TOMM6: variants seen among roughly 807,000 people sequenced by gnomAD.
The protein encoded by TOMM6 is translocase of outer mitochondrial membrane 6.
TOMM6 carries 6 observed loss-of-function variants against 6.0 expected under a neutral mutation model. That is an observed-to-expected ratio of 1.00 (90% CI 0.55 to 1.98). The LOEUF (loss-of-function observed/expected upper bound fraction) is 1.98, where lower values mean the gene tolerates loss of function less well. Among genes scored for constraint, TOMM6 ranks in the 30% most tolerant of loss-of-function variants. TOMM6 has a pLI of 0.00. For synonymous variants in TOMM6, 44 were observed against 36.3 expected, an observed-to-expected ratio of 1.21 and a Z score of -0.76; for missense variants, 104 against 95.3, an observed-to-expected ratio of 1.09 and a Z score of -0.38.
chr6:41,789,161 C>G, intron 1 of TOMM6, 71 bp from the exon 2 acceptor site: 1 of 1,384,842 alleles, frequency 7.2e-7, no homozygotes, highest in Non-Finnish European at 1.0e-6. Flanking sequence ...AGCCTTTCCC[C>G]CCAGTACATT....
At chr6:41,789,517 C>T in intron 2 of TOMM6, 51 bp from the exon 3 acceptor site, 1 of 559,622 alleles carries the variant, frequency 1.8e-6, no homozygotes, top group Non-Finnish European at 3.2e-6. Flanking sequence ...AGTTTCCCTC[C>T]CATACTTTTA....
intron 2 of TOMM6, 33 bp downstream of exon 2, chr6:41,789,369 G>A (rs1215852624): frequency 6.8e-7 from 1 of 1,468,178 alleles, no homozygotes. Flanking sequence ...GCGTGTCTTA[G>A]GAGACCTAGA....
In TOMM6 at chr6:41,787,749, C is replaced by T. The variant is rs1241493565; in HGVS notation, c.52C>T (p.Pro18Ser). 1 of 1,551,726 alleles carries T rather than the reference C, an allele frequency of 6.4e-7. No homozygotes were observed. The highest frequency in any genetic ancestry group is 8.7e-7 in the Non-Finnish European group (1 of 1,146,994). ...CGCTGCTGGCTCGGCTAATGAAACTCCCGAAATACCGGACAACGTGGGAGA... is the reference window on the plus strand; with the variant it reads ...CGCTGCTGGCTCGGCTAATGAAACTTCCGAAATACCGGACAACGTGGGAGA... ...VSAAGSANET[P>S]EIPDNVGDWL... The change falls in exon 1 of 3, where the codon CCC becomes TCC. Residue 18 changes from proline to serine, a missense_variant. Transcript: ENST00000398881.
At chr6:41,788,739 C>T (rs1772735706) in intron 1 of TOMM6, among the ~76,000 whole-genome samples, 1 of 150,520 alleles carries the variant, frequency 6.6e-6, no homozygotes, top group South Asian at 2.1e-4. Context: ...GCGTGAGCCA[C>T]CGCGCCCGGC....
chr6:41,789,394 A>G (rs1446115284), intron 2 of TOMM6, 58 bp downstream of exon 2: 10 of 1,225,534 alleles, frequency 8.2e-6, no homozygotes, highest in Admixed American at 8.0e-5. Context: ...GGGTGAAGCA[A>G]TGTTTTCTGT....
chr6:41,788,042 T>A (rs549916259), intron 1 of TOMM6, among the ~76,000 whole-genome samples: 45 of 152,358 alleles, frequency 3.0e-4, no homozygotes, highest in African/African-American at 1.0e-3. Context: ...GTATCTGTAA[T>A]GTCACCCTGA....
chr6:41,788,404 A>G (rs1227460345), intron 1 of TOMM6, among the ~76,000 whole-genome samples: 11 of 140,184 alleles, frequency 7.8e-5, no homozygotes, highest in Admixed American at 7.4e-4. Context: ...TCGGCCTCCC[A>G]AAGTGCTGGG....
chr6:41,787,751 C>G lies in TOMM6; in HGVS notation c.54C>G (p.Pro18=). 1 of 1,551,734 alleles carries G rather than the reference C, an allele frequency of 6.4e-7. No individual in the cohort carries two copies. Among genetic ancestry groups the G allele is most frequent in the Non-Finnish European group, 8.7e-7 (1 of 1,146,998 alleles). ...VSAAGSANET[P]EIPDNVGDWL... ...CTGCTGGCTCGGCTAATGAAACTCC[C>G]GAAATACCGGACAACGTGGGAGATT... Residue 18 remains proline (P), a synonymous_variant, in exon 1 of 3, where the codon CCC becomes CCG. Transcript: ENST00000398881.
chr6:41,789,186 A>G (rs1561898383), intron 1 of TOMM6, 46 bp from the exon 2 acceptor site: 1 of 1,512,838 alleles, frequency 6.6e-7, no homozygotes, highest in Non-Finnish European at 9.0e-7. Context: ...TAACTGTACA[A>G]CTGACTCAGT....
At chr6:41,788,773 G>A (rs1264757102) in intron 1 of TOMM6, among the ~76,000 whole-genome samples, 1 of 139,268 alleles carries the variant, frequency 7.2e-6, no homozygotes, top group Non-Finnish European at 1.5e-5. Context: ...TTTTGAGACA[G>A]CCTCGCTCTG....
At chr6:41,788,502 G>T (rs1772728861) in intron 1 of TOMM6, among the ~76,000 whole-genome samples, 1 of 136,436 alleles carries the variant, frequency 7.3e-6, no homozygotes, top group African/African-American at 2.8e-5. Context: ...GCCCAGGCTG[G>T]AGTGCAGAGG....
At chr6:41,787,868 T>G (rs779893173) in intron 1 of TOMM6, 43 bp downstream of exon 1, 115 of 1,547,558 alleles carry the variant, frequency 7.4e-5, no homozygotes, top group Non-Finnish European at 9.3e-5. Flanking sequence ...GGCCCTTAAA[T>G]CCGTATTTCC....
rs1772706043 is a variant in TOMM6 at position 41,787,888 on chromosome 6, C to A, written c.128+63C>A. 3.3e-6 allele frequency: 5 copies of A among 1,529,888 alleles called. No homozygotes were observed. The African/African-American group carries it at 4.2e-5, about 13-fold the overall frequency. 94.8% of individuals were successfully genotyped at this position (1,529,888 alleles called of 1,614,324 possible). On this transcript the variant is annotated intron_variant, in intron 1 of 2. Transcript: ENST00000398881. ...TTAAATCCGTATTTCCCCTTTCTTGCGAGGCTGGCGCCTCAGGGTTTTTTG... is the reference window on the plus strand; with the variant it reads ...TTAAATCCGTATTTCCCCTTTCTTGAGAGGCTGGCGCCTCAGGGTTTTTTG...
Position 41,789,574 on chromosome 6 carries a change from G to T in TOMM6, c.*15G>T. On this transcript the variant is annotated 3_prime_UTR_variant, in exon 3 of 3. Transcript: ENST00000398881. ...TCTTATCATCTGATTGCAGACAAAT[G>T]GAATCCTGTGCTGAACCCGAATCTT... The T allele has an allele frequency of 2.3e-6, 1 of 426,148 alleles. No homozygotes were observed. Among genetic ancestry groups the T allele is most frequent in the Non-Finnish European group, 4.4e-6 (1 of 228,682 alleles). The allele number at this position is 426,148 out of a possible 1,614,324, so 26.4% of individuals were successfully genotyped here.
At position 41,787,715 on chromosome 6, in the gene TOMM6, C is replaced by T. The variant is rs560954650; in HGVS notation, c.18C>T (p.Val6=). The T allele has an allele frequency of 6.4e-7, 1 of 1,551,704 alleles. No homozygotes were observed. The highest frequency in any genetic ancestry group is 8.7e-7 in the Non-Finnish European group (1 of 1,146,980). ...TTTCCACTATGGCTTCCAGCACTGT[C>T]CCGGTGAGCGCTGCTGGCTCGGCTA... MASST[V]PVSAAGSANE... is the part of the protein sequence containing the mutation. Residue 6 remains valine (V), a synonymous_variant, in exon 1 of 3, where the codon GTC becomes GTT. Coordinates refer to ENST00000398881, the MANE Select transcript of TOMM6 (RefSeq NM_001382294.1).
intron 1 of TOMM6, 141 bp downstream of exon 1, chr6:41,787,966 G>A (rs1352982471): frequency 1.6e-6 from 2 of 1,213,648 alleles, no homozygotes; most frequent in Non-Finnish European, 2.2e-6. Context: ...CTCTGGCTGT[G>A]CCTCACTGAG....
intron 1 of TOMM6, among the ~76,000 whole-genome samples, chr6:41,788,148 T>TG (rs1561897944): frequency 2.4e-5 from 1 of 42,162 alleles, no homozygotes; most frequent in African/African-American, 8.1e-5. Flanking sequence ...TCTTTTTTGT[T>TG]TTTTTTTTTT....
intron 1 of TOMM6, 69 bp from the exon 2 acceptor site, chr6:41,789,163 C>A: frequency 7.2e-7 from 1 of 1,379,358 alleles, no homozygotes. Flanking sequence ...CCTTTCCCCC[C>A]AGTACATTTC....
Position 41,789,346 on chromosome 6 carries a change from G to C in TOMM6, c.*8+10G>C. 2 of 1,538,794 alleles carry C rather than the reference G, an allele frequency of 1.3e-6. No individual in the cohort carries two copies. Among genetic ancestry groups the C allele is most frequent in the Non-Finnish European group, 1.8e-6 (2 of 1,135,150 alleles). On this transcript the variant is annotated intron_variant, in intron 2 of 2. Transcript: ENST00000398881. ...GGGTGTAGCCAAGTAGGTAAGCACT[G>C]AACTACACCCATGCGTGTCTTAGGA...
Sources: allele counts gnomAD v4.1 joint callset (sites outside exome capture counted in the v4.1 genomes callset), GRCh38; gene constraint gnomAD v4.1.1; transcripts MANE v1.5; gene names NCBI Gene and HGNC (gene_info 2026-07-23, HGNC 2026-07-21).